Variants in ADK observed in about 807,000 individuals in gnomAD.
ADK encodes N6,N6-dimethyladenosine kinase.
A neutral mutation model predicts 44.7 loss-of-function variants in ADK; 24 were observed. The observed-to-expected ratio is 0.54, with a 90% CI of 0.39 to 0.76. The LOEUF is 0.76. ADK is among the 30% of genes least tolerant of loss of function. The pLI is 0.00. For missense variants in ADK, 321 were observed against 425.1 expected (o/e 0.76, Z 2.15); for synonymous variants, 128 against 142.6 (o/e 0.90, Z 0.73).
intron 1 of ADK, among the ~76,000 whole-genome samples, chr10:74,173,089 T>G (rs1395085743): frequency 1.4e-5 from 2 of 140,852 alleles, no homozygotes; most frequent in Admixed American, 1.4e-4. Flanking sequence ...TCAAAATTAG[T>G]TTTTTTTTTT....
chr10:74,425,032 G>C (rs959218587), intron 6 of ADK, among the ~76,000 whole-genome samples: 15 of 152,268 alleles, frequency 9.9e-5, no homozygotes, highest in African/African-American at 3.6e-4. Context: ...TACTCAAACT[G>C]CCTTATTTTC....
At chr10:74,223,534 C>A (rs1156494054) in intron 2 of ADK, among the ~76,000 whole-genome samples, 3 of 151,964 alleles carry the variant, frequency 2.0e-5, no homozygotes, top group Non-Finnish European at 4.4e-5. Flanking sequence ...CATTTTCAGG[C>A]AGATTAATTT....
intron 2 of ADK, among the ~76,000 whole-genome samples, chr10:74,204,368 T>A (rs551197550): frequency 5.9e-5 from 9 of 152,352 alleles, no homozygotes; most frequent in Admixed American, 1.3e-4. Flanking sequence ...TAAATTGGGA[T>A]TGTTTTATTT....
intron 10 of ADK, among the ~76,000 whole-genome samples, chr10:74,676,319 G>A (rs892749642): frequency 6.6e-6 from 1 of 151,998 alleles, no homozygotes; most frequent in Admixed American, 6.6e-5. Flanking sequence ...TAGTAGAGAT[G>A]GAGTTTTGCC....
At chr10:74,274,333 G>A (rs988231507) in intron 3 of ADK, among the ~76,000 whole-genome samples, 12 of 152,140 alleles carry the variant, frequency 7.9e-5, no homozygotes, top group South Asian at 4.1e-4. Context: ...AGGCCGAGGT[G>A]GGTGGATCAC....
chr10:74,623,593 G>A (rs899724159), intron 9 of ADK, among the ~76,000 whole-genome samples: 1 of 151,882 alleles, frequency 6.6e-6, no homozygotes, highest in Non-Finnish European at 1.5e-5. Context: ...AGAATTGTGC[G>A]TGCATATCTT....
chr10:74,674,340 A>G (rs1484129047), intron 10 of ADK, among the ~76,000 whole-genome samples: 1 of 152,206 alleles, frequency 6.6e-6, no homozygotes, highest in Non-Finnish European at 1.5e-5. Context: ...GGGATTGGAA[A>G]TAACAGCTGT....
intron 7 of ADK, among the ~76,000 whole-genome samples, chr10:74,538,249 G>A (rs867674773): frequency 6.9e-6 from 1 of 145,696 alleles, no homozygotes; most frequent in Admixed American, 6.9e-5. Context: ...GCGAGACTCC[G>A]TCTCACAAAA....
chr10:74,361,279 T>A (rs1428182432), intron 4 of ADK, among the ~76,000 whole-genome samples: 3 of 152,224 alleles, frequency 2.0e-5, no homozygotes, highest in Non-Finnish European at 4.4e-5. Context: ...ACTACTCTTA[T>A]TTTGTTACTT....
intron 1 of ADK, among the ~76,000 whole-genome samples, chr10:74,199,178 A>G (rs1234511939): frequency 6.6e-6 from 1 of 152,156 alleles, no homozygotes; most frequent in Admixed American, 6.5e-5. Context: ...GTACTCTTCC[A>G]GGATGTGCCA....
chr10:74,390,398 T>TG (rs1843292316), intron 4 of ADK, among the ~76,000 whole-genome samples: 2 of 152,310 alleles, frequency 1.3e-5, no homozygotes, highest in Admixed American at 1.3e-4. Context: ...ACAGTATGTT[T>TG]GTCCCACCTT....
chr10:74,302,137 T>G (rs558728469), intron 3 of ADK, among the ~76,000 whole-genome samples: 16,773 of 103,844 alleles, frequency 0.16, 2,252 homozygotes, highest in Middle Eastern at 0.22. Flanking sequence ...TTTTTTTTTT[T>G]TTTTTTTTTG....
chr10:74,342,861 G>A (rs1192827869), intron 4 of ADK, among the ~76,000 whole-genome samples: 1 of 149,212 alleles, frequency 6.7e-6, no homozygotes, highest in African/African-American at 2.5e-5. Flanking sequence ...AACTTACTTA[G>A]CTCTAATATT....
intron 9 of ADK, among the ~76,000 whole-genome samples, chr10:74,623,472 A>C (rs1853072179): frequency 6.6e-6 from 1 of 152,030 alleles, no homozygotes; most frequent in South Asian, 2.1e-4. Flanking sequence ...TCCATATATG[A>C]TCTAGTCCGT....
intron 9 of ADK, among the ~76,000 whole-genome samples, chr10:74,645,858 T>A (rs1305773794): frequency 1.3e-5 from 2 of 152,202 alleles, no homozygotes; most frequent in African/African-American, 4.8e-5. Flanking sequence ...AGTTCAGCCC[T>A]GCATTTTTTC....
intron 1 of ADK, chr10:74,174,382 G>A (rs1842260350): frequency 1.4e-5 from 2 of 143,782 alleles, no homozygotes; most frequent in Admixed American, 7.1e-5. Context: ...TCAAGCAGAA[G>A]TTGCAAACCA....
In ADK at chr10:74,524,437, G is replaced by T. The variant is rs188362126; in HGVS notation, c.556-819G>T. Among the ~76,000 whole-genome samples, 689 of 152,240 alleles carry T rather than the reference G, an allele frequency of 4.5e-3. 8 individuals are homozygous for T. The highest frequency in any genetic ancestry group is 7.3e-3 in the Non-Finnish European group (497 of 68,010). On this transcript the variant is annotated intron_variant, in intron 6 of 10. Coordinates refer to ENST00000539909, the MANE Select transcript of ADK (RefSeq NM_006721.4). The stretch of plus-strand genomic sequence containing the variant: ...AGACAAGGTCTCCGTGTATTTCCCA[G>T]GCTGGAGTGCAGTGGTGTCATCTCG...
chr10:74,253,980 T>C (rs1845737759), intron 3 of ADK, among the ~76,000 whole-genome samples: 1 of 152,126 alleles, frequency 6.6e-6, no homozygotes, highest in Admixed American at 6.5e-5. Flanking sequence ...TTGGCCGGGC[T>C]GGTCACGAAC....
At chr10:74,527,381 A>AC (rs1216158028) in intron 7 of ADK, among the ~76,000 whole-genome samples, 1 of 152,206 alleles carries the variant, frequency 6.6e-6, no homozygotes, top group African/African-American at 2.4e-5. Flanking sequence ...ACAAAAAAAA[A>AC]AAAACATAAA....
Sources: allele counts gnomAD v4.1 joint callset (sites outside exome capture counted in the v4.1 genomes callset), GRCh38; gene constraint gnomAD v4.1.1; transcripts MANE v1.5; gene names NCBI Gene and HGNC (gene_info 2026-07-23, HGNC 2026-07-21).